IL17RE: variants seen among roughly 807,000 people sequenced by gnomAD.
IL17RE encodes the protein interleukin-17 receptor E.
A neutral mutation model predicts 70.7 loss-of-function variants in IL17RE; 47 were observed. The ratio of observed to expected loss-of-function variants is 0.67; its 90% CI spans 0.53 to 0.85. The LOEUF is 0.85. Ranked by LOEUF, IL17RE falls within the 40% of genes least tolerant of loss-of-function variation. IL17RE has a pLI of 0.00. For missense variants in IL17RE, 850 were observed against 893.9 expected (o/e 0.95, Z 0.63); for synonymous variants, 372 against 381.2 (o/e 0.98, Z 0.28).
chr3:9,905,259 C>G (rs2082727269), intron 3 of IL17RE, among the ~76,000 whole-genome samples: 2 of 151,298 alleles, frequency 1.3e-5, no homozygotes, highest in African/African-American at 4.9e-5. Flanking sequence ...AGTTTGAGAC[C>G]AGCCTGGCCA....
At chr3:9,906,487 T>C (rs1248181930) in intron 4 of IL17RE, 26 bp downstream of exon 4, 1 of 1,530,514 alleles carries the variant, frequency 6.5e-7, no homozygotes. Context: ...GTTCCAGCCC[T>C]ACCTGACGCC....
chr3:9,914,698 G>A lies in IL17RE; in HGVS notation c.1368G>A (p.Gly456=), dbSNP rs777135351. The A allele has an allele frequency of 6.2e-7, 1 of 1,614,162 alleles. No homozygotes were observed. The highest frequency in any genetic ancestry group is 8.5e-7 in the Non-Finnish European group (1 of 1,180,022). Residue 456 remains glycine (G), a synonymous_variant, in exon 15 of 16, where the codon GGG becomes GGA. Coordinates refer to ENST00000383814, the MANE Select transcript of IL17RE (RefSeq NM_153480.2). ...LCPDVSYRHL[G]LLILALLALL... Reference sequence around the variant, plus strand: ...ACTCAGTCTCTTACAGACACCTGGGGCTCTTGATCCTGGCACTGCTGGCCC... The same window carrying A: ...ACTCAGTCTCTTACAGACACCTGGGACTCTTGATCCTGGCACTGCTGGCCC...
At chr3:9,905,569 C>T (rs2082733752) in intron 3 of IL17RE, among the ~76,000 whole-genome samples, 1 of 152,034 alleles carries the variant, frequency 6.6e-6, no homozygotes, top group African/African-American at 2.4e-5. Context: ...GCCTGTAATC[C>T]CAGCACTTTG....
In IL17RE at chr3:9,911,506, C is replaced by A; in HGVS notation, c.1136C>A (p.Ser379Tyr). The A allele has an allele frequency of 1.9e-6, 3 of 1,614,142 alleles. No individual in the cohort carries two copies. Among genetic ancestry groups the A allele is most frequent in the Non-Finnish European group, 2.5e-6 (3 of 1,179,984 alleles). ...GCCCAGCAGCTGATTCTTCACTTCT[C>A]CTCAAGAATGCATGCCACCTTCAGT... The part of the protein sequence containing the change: ...TQAQQLILHF[S>Y]SRMHATFSAA... The change falls in exon 12 of 16, where the codon TCC (serine) becomes TAC (tyrosine). Residue 379 changes from serine to tyrosine, a missense_variant. By Grantham distance (144) the Ser-to-Tyr change is moderately radical (BLOSUM62 -2). Transcript: ENST00000383814.
At chr3:9,911,663 T>C (rs368889730) in intron 12 of IL17RE, 66 bp downstream of exon 12, 1 of 1,446,730 alleles carries the variant, frequency 6.9e-7, no homozygotes. Flanking sequence ...TGTGACCTCA[T>C]TGAGATAGAC....
At chr3:9,909,575 C>T (rs1292257063) in intron 8 of IL17RE, 1 of 394,776 alleles carries the variant, frequency 2.5e-6, no homozygotes, top group African/African-American at 2.0e-5. Context: ...GCCAGAAGAC[C>T]CAGTTCCCAT....
rs373097999 is a variant in IL17RE, at chr3:9,906,975, T to C, written c.541T>C (p.Phe181Leu). ...CCTCTCCCCAGGACCCGAGTTCTCC[T>C]TTGATTTGCTGCCTGAGGCCCGGGC... is the stretch of plus-strand genomic sequence containing the variant. ...SQRHGGPEFS[F>L]DLLPEARAIR... is the part of the protein sequence containing the mutation. The change falls in exon 6 of 16, where the codon TTT becomes CTT. Residue 181 changes from phenylalanine to leucine, a missense_variant. Phe to Leu is a conservative substitution (Grantham distance 22). Coordinates refer to ENST00000383814, the MANE Select transcript of IL17RE (RefSeq NM_153480.2). The C allele has an allele frequency of 7.3e-5, 118 of 1,614,032 alleles. No homozygotes were observed. The highest frequency in any genetic ancestry group is 9.7e-5 in the Non-Finnish European group (114 of 1,180,032).
In IL17RE at chr3:9,902,870, G is replaced by A. The variant is rs763519697; in HGVS notation, c.-63G>A. On this transcript the variant is annotated 5_prime_UTR_variant, in exon 1 of 16. Coordinates refer to ENST00000383814, the MANE Select transcript of IL17RE (RefSeq NM_153480.2). ...ACTGTGTTCGCTGCTGCACAGCAAGGCCCTGCCACCCACCTTCAGGCCATG... is the reference window on the plus strand; with the variant it reads ...ACTGTGTTCGCTGCTGCACAGCAAGACCCTGCCACCCACCTTCAGGCCATG... 6.2e-7 allele frequency: 1 copy of A among 1,613,450 alleles called. No homozygotes were observed. The highest frequency in any genetic ancestry group is 8.5e-7 in the Non-Finnish European group (1 of 1,179,770).
intron 12 of IL17RE, among the ~76,000 whole-genome samples, chr3:9,912,670 A>G (rs1007184279): frequency 6.6e-6 from 1 of 152,204 alleles, no homozygotes; most frequent in Non-Finnish European, 1.5e-5. Context: ...TTTGCATTGT[A>G]TGAGGGCTCC....
chr3:9,904,399 T>C (rs1281673467), intron 3 of IL17RE, among the ~76,000 whole-genome samples: 1 of 152,254 alleles, frequency 6.6e-6, no homozygotes, highest in African/African-American at 2.4e-5. Flanking sequence ...TTACCATCTA[T>C]TTGTAGAGCA....
chr3:9,915,868 C>A lies in IL17RE; in HGVS notation c.*61C>A. ...GCAACGCAACGGACACTGGCTGGAA[C>A]CCCGGAATGAGCCTTCGACCCTGAA... On this transcript the variant is annotated 3_prime_UTR_variant, in exon 16 of 16. Transcript: ENST00000383814. This position sits in a 1 kb window ranked among gnomAD's most constrained non-coding sequence, Gnocchi z 4.9. 6.9e-7 allele frequency: 1 copy of A among 1,438,934 alleles called. No individual in the cohort carries two copies. The allele number at this position is 1,438,934 out of a possible 1,614,324, so 89.1% of individuals were successfully genotyped here.
At position 9,904,074 on chromosome 3, in the gene IL17RE, T is replaced by C; in HGVS notation, c.191T>C (p.Phe64Ser). ...CCTTGCCGCACCTGGTGGGCCCTCTTCTCCACAAAGCCTTGGTGTGTGCGA... is the reference window on the plus strand; with the variant it reads ...CCTTGCCGCACCTGGTGGGCCCTCTCCTCCACAAAGCCTTGGTGTGTGCGA... ...YIPCRTWWAL[F>S]STKPWCVRVW... is the part of the protein sequence containing the mutation. The change falls in exon 3 of 16, where the codon TTC becomes TCC. Residue 64 changes from phenylalanine to serine, a missense_variant. Phe to Ser is a radical substitution (Grantham distance 155). Transcript: ENST00000383814. 2 of 1,614,148 alleles carry C rather than the reference T, an allele frequency of 1.2e-6. No individual in the cohort carries two copies. Among genetic ancestry groups the C allele is most frequent in the South Asian group, 2.2e-5 (2 of 91,082 alleles).
Position 9,911,241 on chromosome 3 carries a change from C to T in IL17RE, c.1027-14C>T. ...GCCTGGAGCTTGCTAATCTGCCATTCCTGTATTTCTCAGTTCTCTTTTGGA... is the reference window on the plus strand; with the variant it reads ...GCCTGGAGCTTGCTAATCTGCCATTTCTGTATTTCTCAGTTCTCTTTTGGA... On this transcript the variant is annotated splice_polypyrimidine_tract_variant and intron_variant, in intron 10 of 15. Coordinates refer to ENST00000383814, the MANE Select transcript of IL17RE (RefSeq NM_153480.2). 1 of 1,614,172 alleles carries T rather than the reference C, an allele frequency of 6.2e-7. No homozygotes were observed. Among genetic ancestry groups the T allele is most frequent in the Non-Finnish European group, 8.5e-7 (1 of 1,180,020 alleles).
chr3:9,907,157 C>G, intron 6 of IL17RE, 57 bp downstream of exon 6: 1 of 1,602,274 alleles, frequency 6.2e-7, no homozygotes, highest in Non-Finnish European at 8.5e-7. Context: ...GCAAAAGAGG[C>G]CACCCATTGT....
chr3:9,910,932 C>T lies in IL17RE; in HGVS notation c.870C>T (p.Ala290=). The T allele has an allele frequency of 2.5e-6, 4 of 1,614,142 alleles. No individual in the cohort carries two copies. The highest frequency in any genetic ancestry group is 3.4e-6 in the Non-Finnish European group (4 of 1,180,026). The change falls in exon 9 of 16, where the codon GCC becomes GCT. Residue 290 remains alanine, a synonymous_variant. Transcript: ENST00000383814. ...GCCAGCACACTCAGATGGTCATGGC[C>T]CTGACACTCCGCTGCCCACTGAAGC... The part of the protein sequence containing the change: ...DYSQHTQMVM[A]LTLRCPLKLE...
chr3:9,904,809 C>T (rs1004439311), intron 3 of IL17RE, among the ~76,000 whole-genome samples: 21 of 151,562 alleles, frequency 1.4e-4, no homozygotes, highest in African/African-American at 4.6e-4. Context: ...TTGGCAGTTT[C>T]TGGGCCAGGT....
At position 9,904,265 on chromosome 3, in the gene IL17RE, C is replaced by T. The variant is rs1318137935; in HGVS notation, c.268+114C>T. ...GATATTTGTCTTGTTTTAACCTCAA[C>T]TGGGACTTGGATTATCCTAAAATAG... On this transcript the variant is annotated intron_variant, in intron 3 of 15. Transcript: ENST00000383814. 3.1e-5 allele frequency: 38 copies of T among 1,225,292 alleles called. No individual in the cohort carries two copies. The East Asian group carries it at 5.2e-4, about 17-fold the overall frequency. The allele number at this position is 1,225,292 out of a possible 1,614,324, so 75.9% of individuals were successfully genotyped here.
chr3:9,911,714 T>C, intron 12 of IL17RE, 117 bp downstream of exon 12: 1 of 996,760 alleles, frequency 1.0e-6, no homozygotes, highest in East Asian at 2.4e-5. Flanking sequence ...ACTTTTACCA[T>C]CTGGTTTACT....
intron 3 of IL17RE, 47 bp from the exon 4 acceptor site, chr3:9,906,317 G>A: frequency 2.8e-6 from 3 of 1,076,426 alleles, no homozygotes; most frequent in East Asian, 2.4e-5. Flanking sequence ...TCCAGGCAGG[G>A]GAGGGGGTAA....
Sources: allele counts gnomAD v4.1 joint callset (sites outside exome capture counted in the v4.1 genomes callset), GRCh38; gene constraint gnomAD v4.1.1; non-coding constraint Gnocchi (gnomAD v3.1); transcripts MANE v1.5; gene names NCBI Gene and HGNC (gene_info 2026-07-23, HGNC 2026-07-21).